Variants in COL4A2 observed in about 807,000 individuals in gnomAD.
COL4A2 encodes collagen alpha-2(IV) chain.
In COL4A2, 99 loss-of-function variants were observed where a neutral mutation model predicts 200.2. The observed-to-expected ratio is 0.49, with a 90% CI of 0.42 to 0.58. The LOEUF is 0.58. Among genes scored for constraint, COL4A2 ranks in the 20% least tolerant of loss-of-function variants. The pLI, the probability that COL4A2 is intolerant of heterozygous loss-of-function variation, is 0.00. For missense variants in COL4A2, 1,950 were observed against 2,314.1 expected (o/e 0.84, Z 3.23); for synonymous variants, 897 against 900.6 (o/e 1.00, Z 0.07).
chr13:110,308,524 G>A (rs958678390), intron 3 of COL4A2, among the ~76,000 whole-genome samples: 1 of 152,202 alleles, frequency 6.6e-6, no homozygotes, highest in Non-Finnish European at 1.5e-5. Flanking sequence ...GGGAGTCTCT[G>A]TCACGGACTG....
intron 3 of COL4A2, among the ~76,000 whole-genome samples, chr13:110,315,157 C>T (rs1031508812): frequency 1.3e-5 from 2 of 149,184 alleles, no homozygotes; most frequent in South Asian, 2.4e-4. Context: ...GCCTTAGCCC[C>T]GGGGGGATAA....
intron 4 of COL4A2, among the ~76,000 whole-genome samples, chr13:110,361,904 C>T (rs766827683): frequency 6.6e-6 from 1 of 152,198 alleles, no homozygotes; most frequent in Non-Finnish European, 1.5e-5. Context: ...CTGTAGTTCA[C>T]GTACGAGCAC....
chr13:110,396,727 C>T (rs992469049), intron 4 of COL4A2, among the ~76,000 whole-genome samples: 2 of 147,650 alleles, frequency 1.4e-5, no homozygotes, highest in Non-Finnish European at 3.0e-5. Context: ...AATGACTAAG[C>T]GGACCGTTTT....
chr13:110,451,980 C>T (rs1881552745), intron 20 of COL4A2, among the ~76,000 whole-genome samples: 1 of 152,214 alleles, frequency 6.6e-6, no homozygotes, highest in African/African-American at 2.4e-5. Flanking sequence ...AGTTAACAGC[C>T]TCTTCTTTCC....
chr13:110,334,849 A>G (rs1476822932), intron 3 of COL4A2, among the ~76,000 whole-genome samples: 1 of 152,244 alleles, frequency 6.6e-6, no homozygotes, highest in African/African-American at 2.4e-5. Flanking sequence ...AAGAAGTGCA[A>G]GAGAAAAGAC....
chr13:110,393,979 T>A (rs1307473597), intron 4 of COL4A2, among the ~76,000 whole-genome samples: 6 of 152,116 alleles, frequency 3.9e-5, no homozygotes, highest in Admixed American at 3.9e-4. Context: ...TCCAGCAGAA[T>A]GAGGTGTTGG....
At chr13:110,319,166 T>C (rs1313701333) in intron 3 of COL4A2, among the ~76,000 whole-genome samples, 1 of 152,102 alleles carries the variant, frequency 6.6e-6, no homozygotes, top group Admixed American at 6.6e-5. Context: ...CCTGGAGTGC[T>C]GAGACCCTGG....
At chr13:110,412,582 T>A (rs1445498254) in intron 4 of COL4A2, among the ~76,000 whole-genome samples, 3 of 152,230 alleles carry the variant, frequency 2.0e-5, no homozygotes, top group Non-Finnish European at 4.4e-5. Context: ...TTAAACATCT[T>A]CCTTTTATAG....
chr13:110,380,312 G>T (rs1876496434), intron 4 of COL4A2, among the ~76,000 whole-genome samples: 1 of 152,126 alleles, frequency 6.6e-6, no homozygotes, highest in African/African-American at 2.4e-5. Flanking sequence ...CCACCAGCAT[G>T]GACATGAGTT....
intron 36 of COL4A2, 129 bp downstream of exon 36, chr13:110,489,914 A>G: frequency 1.1e-6 from 1 of 921,774 alleles, no homozygotes; most frequent in Non-Finnish European, 1.7e-6. Flanking sequence ...GAGGTCTTCA[A>G]GTCCAATGTG....
In COL4A2 at chr13:110,469,199, G is replaced by A. The variant is rs1314406539; in HGVS notation, c.2096-18G>A. 6.4e-7 allele frequency: 1 copy of A among 1,569,156 alleles called. No individual in the cohort carries two copies. Among genetic ancestry groups the A allele is most frequent in the Non-Finnish European group, 8.7e-7 (1 of 1,155,822 alleles). ...CTCGTGGAGCCTGATGTGGTTTGTGGTTTATTTGGTTATTTAGGTGCCAAA... is the reference window on the plus strand; with the variant it reads ...CTCGTGGAGCCTGATGTGGTTTGTGATTTATTTGGTTATTTAGGTGCCAAA... On this transcript the variant is annotated intron_variant, in intron 27 of 47. Transcript: ENST00000360467.
chr13:110,503,278 A>G lies in COL4A2; in HGVS notation c.4035A>G (p.Glu1345=), dbSNP rs1304408369. ...CTGGTGTGTTTGGTCTCCCAGGAGA[A>G]AAAGGTAACAGTGCCCATGGCCATG... ...GRPGVFGLPG[E]KGPRGEQGFM... Residue 1345 remains glutamate, a synonymous_variant, in exon 42 of 48, where the codon GAA becomes GAG. Coordinates refer to ENST00000360467, the MANE Select transcript of COL4A2 (RefSeq NM_001846.4). The G allele has an allele frequency of 3.7e-6, 6 of 1,602,084 alleles. No individual in the cohort carries two copies. The highest frequency in any genetic ancestry group is 4.3e-6 in the Non-Finnish European group (5 of 1,175,338).
intron 4 of COL4A2, among the ~76,000 whole-genome samples, chr13:110,411,761 C>G (rs767451937): frequency 2.2e-4 from 34 of 152,196 alleles, no homozygotes; most frequent in Admixed American, 7.2e-4. Context: ...TATTCAGAGT[C>G]CAAGGTCATG....
intron 3 of COL4A2, among the ~76,000 whole-genome samples, chr13:110,341,262 C>T (rs891128454): frequency 6.6e-6 from 1 of 152,232 alleles, no homozygotes; most frequent in African/African-American, 2.4e-5. Context: ...CCGCCCTGCA[C>T]AAAGCTCTGT....
At chr13:110,420,027 T>C (rs1295888161) in intron 4 of COL4A2, among the ~76,000 whole-genome samples, 1 of 152,218 alleles carries the variant, frequency 6.6e-6, no homozygotes, top group East Asian at 1.9e-4. Flanking sequence ...CTCAAACTGT[T>C]ATGTACCAAG....
intron 3 of COL4A2, among the ~76,000 whole-genome samples, chr13:110,331,366 G>A (rs1875904988): frequency 6.6e-6 from 1 of 152,166 alleles, no homozygotes. Flanking sequence ...AGATGTCCAG[G>A]CTGTTGGAAA....
intron 4 of COL4A2, among the ~76,000 whole-genome samples, chr13:110,411,016 G>A (rs1051266860): frequency 4.6e-5 from 7 of 152,208 alleles, no homozygotes; most frequent in East Asian, 3.9e-4. Flanking sequence ...CCTTCTTCTC[G>A]ATGCTCTTAA....
chr13:110,438,428 C>A, intron 14 of COL4A2, 190 bp from the exon 15 acceptor site: 2 of 766,634 alleles, frequency 2.6e-6, no homozygotes, highest in South Asian at 1.5e-5. Context: ...GGATGGGTGA[C>A]AGCCCGGGAA....
At chr13:110,417,585 C>T (rs1264320104) in intron 4 of COL4A2, among the ~76,000 whole-genome samples, 3 of 152,162 alleles carry the variant, frequency 2.0e-5, no homozygotes, top group Non-Finnish European at 4.4e-5. Flanking sequence ...AGGTCCATTA[C>T]CCCAGAAACT....
Sources: allele counts gnomAD v4.1 joint callset (sites outside exome capture counted in the v4.1 genomes callset), GRCh38; gene constraint gnomAD v4.1.1; transcripts MANE v1.5; gene names NCBI Gene and HGNC (gene_info 2026-07-23, HGNC 2026-07-21).